MSN: variants seen among roughly 807,000 people sequenced by gnomAD.
The protein encoded by MSN is moesin.
MSN carries 2 observed loss-of-function variants against 48.0 expected under a neutral mutation model. The observed-to-expected ratio is 0.04, with a 90% confidence interval of 0.02 to 0.13. The LOEUF (loss-of-function observed/expected upper bound fraction) is 0.13, where lower values mean the gene tolerates loss of function less well. Among genes scored for constraint, MSN ranks in the 10% least tolerant of loss-of-function variants. The probability of loss-of-function intolerance (pLI) is 1.00; values close to 1 mark genes in which losing one functional copy is unlikely to be tolerated. For synonymous variants in MSN, 146 were observed against 166.9 expected, an observed-to-expected ratio of 0.87 and a Z score of 0.97; for missense variants, 267 against 470.1, an observed-to-expected ratio of 0.57 and a Z score of 3.99.
At chrX:65,687,216 C>T (rs1204586944) in intron 1 of MSN, among the ~76,000 whole-genome samples, 1 of 111,095 alleles carries the variant, frequency 9.0e-6, no homozygotes, top group South Asian at 3.8e-4. Context: ...GGTGTGGTGG[C>T]GAGTGCTTAT....
intron 1 of MSN, among the ~76,000 whole-genome samples, chrX:65,606,583 C>T (rs1226595486): frequency 2.7e-5 from 3 of 112,079 alleles, no homozygotes; most frequent in Non-Finnish European, 5.6e-5. Context: ...CCACCATGCC[C>T]AGCTAATTTT....
intron 1 of MSN, among the ~76,000 whole-genome samples, chrX:65,687,066 G>C (rs765220058): frequency 8.9e-6 from 1 of 112,050 alleles, no homozygotes; most frequent in South Asian, 3.7e-4. Flanking sequence ...TCTCTTCTCG[G>C]CCAGGCGTGG....
intron 1 of MSN, among the ~76,000 whole-genome samples, chrX:65,658,211 C>T (rs1413033852): frequency 1.8e-5 from 2 of 111,568 alleles, no homozygotes; most frequent in African/African-American, 6.5e-5. Context: ...TTAGGGGAGA[C>T]AACAGTATCT....
intron 1 of MSN, among the ~76,000 whole-genome samples, chrX:65,609,585 T>G (rs756649094): frequency 7.2e-5 from 8 of 111,403 alleles, no homozygotes; most frequent in Non-Finnish European, 1.5e-4. Flanking sequence ...GTATTAAGGA[T>G]AAAGAGTAGA....
At chrX:65,620,896 T>G (rs1232200900) in intron 1 of MSN, among the ~76,000 whole-genome samples, 13 of 106,062 alleles carry the variant, frequency 1.2e-4, no homozygotes, top group African/African-American at 4.5e-4. Flanking sequence ...AGTTTTACAG[T>G]TTTAGGTCTT....
chrX:65,688,402 A>C (rs764890827), intron 1 of MSN, among the ~76,000 whole-genome samples: 2 of 111,481 alleles, frequency 1.8e-5, no homozygotes, highest in Non-Finnish European at 3.8e-5. Context: ...TTACTTTTAC[A>C]TAAGGGAAAA....
chrX:65,724,196 G>T (rs1314697847), intron 2 of MSN, among the ~76,000 whole-genome samples: 9 of 107,632 alleles, frequency 8.4e-5, no homozygotes, highest in Admixed American at 5.0e-4. Context: ...CCAGGCTGGA[G>T]TGCAATGGCG....
intron 1 of MSN, among the ~76,000 whole-genome samples, chrX:65,650,312 A>C (rs2070732899): frequency 9.0e-6 from 1 of 111,446 alleles, no homozygotes; most frequent in Admixed American, 9.5e-5. Context: ...GGTCTCGAAC[A>C]CTTGGCTTCA....
intron 1 of MSN, among the ~76,000 whole-genome samples, chrX:65,674,158 AG>A (rs761300668): frequency 4.5e-5 from 5 of 111,644 alleles, no homozygotes; most frequent in Non-Finnish European, 7.5e-5. Context: ...GCATATGTGT[AG>A]GCTGAAGGGA....
chrX:65,729,782 C>T (rs2071604627), intron 4 of MSN, 70 bp downstream of exon 4: 1 of 1,053,284 alleles, frequency 9.5e-7, no homozygotes, highest in African/African-American at 1.9e-5. Context: ...CCAATCCCTG[C>T]CTCACAGGGA....
intron 1 of MSN, among the ~76,000 whole-genome samples, chrX:65,685,574 T>G (rs988826399): frequency 3.6e-5 from 4 of 111,973 alleles, no homozygotes; most frequent in African/African-American, 1.3e-4. Context: ...CTTGTTAACA[T>G]TAGCATCACT....
At chrX:65,647,212 C>CTCT (rs1264568565) in intron 1 of MSN, among the ~76,000 whole-genome samples, 2 of 96,596 alleles carry the variant, frequency 2.1e-5, no homozygotes, top group African/African-American at 7.5e-5. Flanking sequence ...TGCTCTATCT[C>CTCT]TTTTTTTTTT....
chrX:65,637,503 A>G (rs2070614629), intron 1 of MSN, among the ~76,000 whole-genome samples: 2 of 110,384 alleles, frequency 1.8e-5, no homozygotes, highest in South Asian at 7.7e-4. Context: ...CACCTCTCTG[A>G]CTTAATCTCC....
chrX:65,599,244 G>A (rs944326611), intron 1 of MSN, among the ~76,000 whole-genome samples: 2 of 111,290 alleles, frequency 1.8e-5, no homozygotes, highest in African/African-American at 3.3e-5. Context: ...GCAGTGAGCC[G>A]GGATTGCACC....
chrX:65,720,787 G>A (rs1293988533), intron 2 of MSN, among the ~76,000 whole-genome samples: 1 of 112,094 alleles, frequency 8.9e-6, no homozygotes, highest in Non-Finnish European at 1.9e-5. Context: ...GTACTCCTTG[G>A]CACCAGCAAT....
At chrX:65,724,001 C>G (rs981035283) in intron 2 of MSN, among the ~76,000 whole-genome samples, 16 of 109,407 alleles carry the variant, frequency 1.5e-4, no homozygotes, top group Non-Finnish European at 3.0e-4. Context: ...TCAGAGAGAT[C>G]ACCCTCCCTC....
rs191911723 is a variant in MSN at position 65,659,152 on chromosome X, T to A, written c.-21-57666T>A. Among the ~76,000 whole-genome samples, 3 of 108,687 alleles carry A rather than the reference T, an allele frequency of 2.8e-5. No individual in the cohort carries two copies. The East Asian group carries it at 8.8e-4, about 32-fold the overall frequency. 94.4% of individuals were successfully genotyped at this position (108,687 alleles called of 115,157 possible). The stretch of plus-strand genomic sequence containing the variant: ...AGCCACCGTGCCTGGCTACCTTTTT[T>A]CTTTTTTCTTTTTTTTTGAGATGGA... On this transcript the variant is annotated intron_variant, in intron 1 of 3. Transcript: ENST00000609672.
intron 1 of MSN, among the ~76,000 whole-genome samples, chrX:65,645,761 T>C (rs2070690616): frequency 9.0e-6 from 1 of 111,485 alleles, no homozygotes; most frequent in Admixed American, 9.6e-5. Context: ...TCCACCTTGA[T>C]GGTTCATGGG....
At position 65,697,809 on chromosome X, in the gene MSN, A is replaced by G. The variant is rs200759907; in HGVS notation, c.13-19009A>G. 2.0e-4 allele frequency among the ~76,000 whole-genome samples: 22 copies of G among 112,440 alleles called. No homozygotes were observed. In the East Asian group the frequency reaches 4.7e-3, roughly 24 times the overall value. ...AATTGTCAATTTGTGTTTTTCCAGA[A>G]AATTTCTTTTTCCAGAAGTGCTTTG... On this transcript the variant is annotated intron_variant, in intron 1 of 12. Transcript: ENST00000360270.
Sources: allele counts gnomAD v4.1 joint callset (sites outside exome capture counted in the v4.1 genomes callset), GRCh38; gene constraint gnomAD v4.1.1; transcripts MANE v1.5; gene names NCBI Gene and HGNC (gene_info 2026-07-23, HGNC 2026-07-21).